The following DNAH11 variants were observed in gnomAD, a reference collection of about 807,000 sequenced individuals.
DNAH11 encodes dynein axonemal heavy chain 11.
A neutral mutation model predicts 526.0 loss-of-function variants in DNAH11; 442 were observed. The ratio of observed to expected loss-of-function variants is 0.84; its 90% CI spans 0.78 to 0.91. The LOEUF is 0.91. Among genes scored for constraint, DNAH11 ranks in the 40% least tolerant of loss-of-function variants. DNAH11 has a pLI of 0.00. For synonymous variants in DNAH11, 2,461 were observed against 1,935.9 expected (o/e 1.27, Z -7.12); for missense variants, 6,989 against 5,448.7 (o/e 1.28, Z -8.90).
Position 21,601,613 on chromosome 7 carries a change from C to G in DNAH11, c.3643C>G (p.Leu1215Val). The change falls in exon 18 of 82, where the codon CTA (leucine) becomes GTA (valine). Residue 1215 changes from leucine (L) to valine (V), a missense_variant. Coordinates refer to ENST00000409508, the MANE Select transcript of DNAH11 (RefSeq NM_001277115.2). Reference protein sequence around the residue: ...QKMPEQVYIQLEELPERWETT... With the variant: ...QKMPEQVYIQVEELPERWETT... ...GATGCCTGAGCAGGTCTATATTCAGCTAGAGGTAAGTGCAGAGGTGAAATA... is the reference window on the plus strand; with the variant it reads ...GATGCCTGAGCAGGTCTATATTCAGGTAGAGGTAAGTGCAGAGGTGAAATA... 1 of 1,571,964 alleles carries G rather than the reference C, an allele frequency of 6.4e-7. No homozygotes were observed. The highest frequency in any genetic ancestry group is 8.7e-7 in the Non-Finnish European group (1 of 1,155,100).
At chr7:21,597,851 C>T (rs1221532341) in intron 14 of DNAH11, among the ~76,000 whole-genome samples, 1 of 152,190 alleles carries the variant, frequency 6.6e-6, no homozygotes, top group Non-Finnish European at 1.5e-5. Flanking sequence ...CTATACTTTT[C>T]TCTTTTAGTG....
Position 21,571,885 on chromosome 7 carries a change from G to C in DNAH11, c.1505G>C (p.Gly502Ala). The C allele has an allele frequency of 1.2e-6, 2 of 1,613,078 alleles. No homozygotes were observed. Among genetic ancestry groups the C allele is most frequent in the Non-Finnish European group, 1.7e-6 (2 of 1,179,528 alleles). ...GGTACCAAAGGAGCAATTTTAAATGGACAAGTCCACGAGATGAGTGAAGAA... is the reference window on the plus strand; with the variant it reads ...GGTACCAAAGGAGCAATTTTAAATGCACAAGTCCACGAGATGAGTGAAGAA... The part of the protein sequence containing the change: ...FGGTKGAILN[G>A]QVHEMSEELM... Residue 502 changes from glycine to alanine, a missense_variant, in exon 8 of 82, where the codon GGA becomes GCA. Physicochemically the swap from Gly to Ala is moderately conservative, Grantham distance 60 (BLOSUM62 0). Transcript: ENST00000409508.
At chr7:21,686,343 C>T (rs74926511) in intron 32 of DNAH11, among the ~76,000 whole-genome samples, 4,218 of 152,278 alleles carry the variant, frequency 0.028, 83 homozygotes, top group South Asian at 0.045. Context: ...ATATCATTCA[C>T]TAGACCTGCT....
rs62445282 is a variant in DNAH11, at chr7:21,687,568, A to G, written c.5924+41A>G. ...GCTATCTCTTGTTACAAATAGAAAAACATGGAATAATGCAGGTAACCTCCC... is the reference window on the plus strand; with the variant it reads ...GCTATCTCTTGTTACAAATAGAAAAGCATGGAATAATGCAGGTAACCTCCC... On this transcript the variant is annotated intron_variant, in intron 34 of 81. Coordinates refer to ENST00000409508, the MANE Select transcript of DNAH11 (RefSeq NM_001277115.2). The G allele has an allele frequency of 0.23, 372,052 of 1,594,326 alleles. 43,943 individuals carry two copies. Among genetic ancestry groups the G allele is most frequent in the African/African-American group, 0.32 (24,199 of 74,664 alleles).
intron 25 of DNAH11, among the ~76,000 whole-genome samples, chr7:21,630,162 A>G (rs541511942): frequency 5.3e-5 from 8 of 152,060 alleles, no homozygotes; most frequent in Non-Finnish European, 5.9e-5. Context: ...ATATTAGATC[A>G]CAAAGAAAAA....
chr7:21,603,866 G>A (rs899743371), intron 18 of DNAH11, among the ~76,000 whole-genome samples: 8 of 152,170 alleles, frequency 5.3e-5, no homozygotes, highest in Non-Finnish European at 1.0e-4. Context: ...ATGGCCTCCA[G>A]AATTTGTATT....
chr7:21,803,367 C>T lies in DNAH11; in HGVS notation c.10165+2092C>T, dbSNP rs76447661. Among the ~76,000 whole-genome samples, 1,230 of 152,282 alleles carry T rather than the reference C, an allele frequency of 8.1e-3. 20 individuals are homozygous for T. The highest frequency in any genetic ancestry group is 0.028 in the African/African-American group (1,153 of 41,556). ...CTCTTTGTTGCCCTCTGCCTCTCCA[C>T]GCTCAGCAAGTGGACATTCACCCTC... On this transcript the variant is annotated intron_variant, in intron 62 of 81. Transcript: ENST00000409508.
intron 61 of DNAH11, among the ~76,000 whole-genome samples, chr7:21,796,777 C>T (rs1260990004): frequency 6.6e-6 from 1 of 152,174 alleles, no homozygotes. Flanking sequence ...ATTTCCTCAC[C>T]TATAAAATGA....
chr7:21,569,639 T>C lies in DNAH11; in HGVS notation c.1195-430T>C, dbSNP rs549796030. On this transcript the variant is annotated intron_variant, in intron 6 of 81. Coordinates refer to ENST00000409508, the MANE Select transcript of DNAH11 (RefSeq NM_001277115.2). ...TTACACACTCCTAATCAGCTCTTTCTCTTTACAAGTGGTCCTGAACTACCA... is the reference window on the plus strand; with the variant it reads ...TTACACACTCCTAATCAGCTCTTTCCCTTTACAAGTGGTCCTGAACTACCA... Among the ~76,000 whole-genome samples, 19 of 152,326 alleles carry C rather than the reference T, an allele frequency of 1.2e-4. No homozygotes were observed. In the East Asian group the frequency reaches 2.9e-3, roughly 23 times the overall value.
chr7:21,638,681 C>T (rs1786976873), intron 27 of DNAH11, among the ~76,000 whole-genome samples: 1 of 140,228 alleles, frequency 7.1e-6, no homozygotes, highest in Non-Finnish European at 1.5e-5. Context: ...TATTTAGCCA[C>T]AGCTAATGGG....
At position 21,620,045 on chromosome 7, in the gene DNAH11, T is replaced by A; in HGVS notation, c.4467T>A (p.Asp1489Glu). The part of the protein sequence containing the change: ...YRTGIPLLKS[D>E]EQLFETLEHN... Reference sequence around the variant, plus strand: ...CAGGCATTCCATTACTAAAGTCTGATGAACAACTTTTTGAAACTCTAGAGC... The same window carrying A: ...CAGGCATTCCATTACTAAAGTCTGAAGAACAACTTTTTGAAACTCTAGAGC... The change falls in exon 25 of 82, where the codon GAT becomes GAA. Residue 1489 changes from aspartate (D) to glutamate (E), a missense_variant. Physicochemically the swap from Asp to Glu is conservative, Grantham distance 45 (BLOSUM62 2). Coordinates refer to ENST00000409508, the MANE Select transcript of DNAH11 (RefSeq NM_001277115.2). The A allele has an allele frequency of 1.9e-6, 3 of 1,603,610 alleles. No homozygotes were observed. The highest frequency in any genetic ancestry group is 2.5e-6 in the Non-Finnish European group (3 of 1,176,802).
intron 66 of DNAH11, among the ~76,000 whole-genome samples, chr7:21,849,044 C>T (rs1381826244): frequency 6.6e-6 from 1 of 152,134 alleles, no homozygotes; most frequent in Admixed American, 6.6e-5. Context: ...TACCGCCATG[C>T]CCAGCTAATT....
At chr7:21,816,794 AC>A in intron 64 of DNAH11, 92 bp downstream of exon 64, 4 of 969,190 alleles carry the variant, frequency 4.1e-6, no homozygotes, top group Non-Finnish European at 4.7e-6. Flanking sequence ...AGACCTCTCC[AC>A]CACATTGATG....
At chr7:21,889,852 T>A (rs907464088) in intron 76 of DNAH11, among the ~76,000 whole-genome samples, 17 of 152,276 alleles carry the variant, frequency 1.1e-4, no homozygotes, top group African/African-American at 3.8e-4. Flanking sequence ...TAAAAAGTCT[T>A]GAGTGGGAAA....
At chr7:21,592,589 C>A (rs1279395736) in intron 14 of DNAH11, among the ~76,000 whole-genome samples, 2 of 152,114 alleles carry the variant, frequency 1.3e-5, no homozygotes, top group Non-Finnish European at 2.9e-5. Context: ...CAAAGGCTTT[C>A]CCTGTGGAGG....
At chr7:21,681,286 G>T (rs1324672610) in intron 30 of DNAH11, among the ~76,000 whole-genome samples, 1 of 152,018 alleles carries the variant, frequency 6.6e-6, no homozygotes, top group Non-Finnish European at 1.5e-5. Context: ...AATTAGCTGG[G>T]CGTGGTGGTG....
chr7:21,591,507 A>G lies in DNAH11; in HGVS notation c.2597A>G (p.Lys866Arg), dbSNP rs1429419142. 1.2e-6 allele frequency: 2 copies of G among 1,606,924 alleles called. No individual in the cohort carries two copies. Among genetic ancestry groups the G allele is most frequent in the Admixed American group, 3.4e-5 (2 of 59,570 alleles). ...RREAAFTLEDKGDLFTKKYKL... is the reference protein window; with the variant it reads ...RREAAFTLEDRGDLFTKKYKL... ...GAGGCAGCCTTCACCTTGGAGGACA[A>G]GGGTGATTTGTTTACAAAAAAATAC... is the stretch of plus-strand genomic sequence containing the variant. The change falls in exon 14 of 82, where the codon AAG becomes AGG. Residue 866 changes from lysine (K) to arginine (R), a missense_variant. Physicochemically the swap from Lys to Arg is conservative, Grantham distance 26. Transcript: ENST00000409508.
chr7:21,658,737 A>G (rs1429971531), intron 29 of DNAH11, 61 bp from the exon 30 acceptor site: 1 of 1,399,754 alleles, frequency 7.1e-7, no homozygotes, highest in East Asian at 2.5e-5. Flanking sequence ...AGCCAGTAGG[A>G]GGATGAAATT....
At chr7:21,727,977 G>T (rs1029335768) in intron 45 of DNAH11, among the ~76,000 whole-genome samples, 12 of 152,122 alleles carry the variant, frequency 7.9e-5, no homozygotes, top group African/African-American at 2.9e-4. Context: ...CTGTCTCCCT[G>T]TGTGTCTAAA....
Sources: gnomAD v4.1 joint callset for allele counts (sites outside exome capture counted in the v4.1 genomes callset) on GRCh38, gnomAD v4.1.1 for gene constraint, MANE v1.5 for transcripts, NCBI Gene and HGNC (gene_info 2026-07-23, HGNC 2026-07-21) for gene names.